AGMO: variants seen among roughly 807,000 people sequenced by gnomAD.
The protein encoded by AGMO is alkylglycerol monooxygenase, also known as glyceryl-ether monooxygenase.
AGMO carries 75 observed loss-of-function variants against 60.2 expected under a neutral mutation model. The observed-to-expected ratio is 1.25, with a 90% CI of 1.03 to 1.51. The LOEUF is 1.51. Among genes scored for constraint, AGMO ranks in the 40% most tolerant of loss-of-function variants. The pLI is 0.00. For synonymous variants in AGMO, 261 were observed against 177.1 expected, an observed-to-expected ratio of 1.47 and a Z score of -3.76; for missense variants, 763 against 525.5, an observed-to-expected ratio of 1.45 and a Z score of -4.42.
intron 12 of AGMO, among the ~76,000 whole-genome samples, chr7:15,246,486 C>G (rs1782746967): frequency 6.6e-6 from 1 of 152,126 alleles, no homozygotes; most frequent in Non-Finnish European, 1.5e-5. Context: ...TCACATTCCA[C>G]AAATGATGTT....
chr7:15,212,906 G>C (rs1010702273), intron 12 of AGMO, among the ~76,000 whole-genome samples: 1 of 152,004 alleles, frequency 6.6e-6, no homozygotes, highest in African/African-American at 2.4e-5. Flanking sequence ...ACTTACTACA[G>C]ACTTTCATAC....
At chr7:15,535,960 T>C (rs1784475527) in intron 3 of AGMO, among the ~76,000 whole-genome samples, 1 of 151,934 alleles carries the variant, frequency 6.6e-6, no homozygotes, top group Non-Finnish European at 1.5e-5. Context: ...ACTCAGTTAA[T>C]GTCTCATGAA....
intron 12 of AGMO, among the ~76,000 whole-genome samples, chr7:15,260,965 G>A (rs760563041): frequency 1.3e-5 from 2 of 151,988 alleles, no homozygotes; most frequent in Non-Finnish European, 2.9e-5. Context: ...TATTTGAACT[G>A]AATGATAATA....
chr7:15,211,426 G>A (rs1781585660), intron 12 of AGMO, among the ~76,000 whole-genome samples: 1 of 151,926 alleles, frequency 6.6e-6, no homozygotes. Flanking sequence ...GCGGCTATAT[G>A]ATAATTGCTG....
chr7:15,415,073 T>C (rs1780725459), intron 5 of AGMO, among the ~76,000 whole-genome samples: 1 of 152,170 alleles, frequency 6.6e-6, no homozygotes, highest in Non-Finnish European at 1.5e-5. Context: ...GAGTTTGTGA[T>C]AGTCGAAGAT....
chr7:15,351,495 T>G (rs1782241749), intron 12 of AGMO, among the ~76,000 whole-genome samples: 1 of 152,084 alleles, frequency 6.6e-6, no homozygotes, highest in Non-Finnish European at 1.5e-5. Flanking sequence ...GCATGTAAAA[T>G]TGCCTCTGAT....
downstream of AGMO, among the ~76,000 whole-genome samples, chr7:15,196,272 C>T (rs931844327): frequency 1.3e-5 from 2 of 152,108 alleles, no homozygotes; most frequent in South Asian, 4.2e-4. Context: ...TGGTCTCGAA[C>T]TCCTGACCTC....
intron 6 of AGMO, among the ~76,000 whole-genome samples, chr7:15,391,266 G>A (rs1009311777): frequency 2.6e-5 from 4 of 151,826 alleles, no homozygotes; most frequent in East Asian, 3.9e-4. Context: ...ATCAGAAAAC[G>A]ATGTATATAA....
At chr7:15,483,020 A>T (rs1482000056) in intron 3 of AGMO, among the ~76,000 whole-genome samples, 1 of 152,106 alleles carries the variant, frequency 6.6e-6, no homozygotes. Flanking sequence ...TCCTTTATTG[A>T]TTATTTTACC....
intron 12 of AGMO, among the ~76,000 whole-genome samples, chr7:15,216,757 G>T (rs1356967460): frequency 6.6e-6 from 1 of 151,522 alleles, no homozygotes; most frequent in Non-Finnish European, 1.5e-5. Flanking sequence ...AGAACTCTAG[G>T]ATCAATAGAT....
chr7:15,434,502 C>T (rs187440647), intron 3 of AGMO, among the ~76,000 whole-genome samples: 1 of 152,180 alleles, frequency 6.6e-6, no homozygotes, highest in East Asian at 1.9e-4. Context: ...AGCTGGCTAC[C>T]TTGTTATGAG....
intron 10 of AGMO, among the ~76,000 whole-genome samples, chr7:15,375,402 T>A (rs1312042972): frequency 6.8e-6 from 1 of 146,554 alleles, no homozygotes; most frequent in Non-Finnish European, 1.5e-5. Context: ...TTTTTTTTTT[T>A]TTTTTTTTTT....
intron 8 of AGMO, among the ~76,000 whole-genome samples, chr7:15,387,920 T>C (rs1279398341): frequency 6.8e-6 from 1 of 146,524 alleles, no homozygotes; most frequent in Non-Finnish European, 1.5e-5. Context: ...TTTTTTTTTT[T>C]TCCCCAAGAC....
intron 12 of AGMO, among the ~76,000 whole-genome samples, chr7:15,335,996 T>A (rs964663066): frequency 6.6e-5 from 10 of 152,284 alleles, no homozygotes; most frequent in African/African-American, 2.4e-4. Flanking sequence ...AAGTGGAAGA[T>A]CTACTCCAAA....
the AGMO span, among the ~76,000 whole-genome samples, chr7:15,126,934 C>T: frequency 6.6e-6 from 1 of 152,110 alleles, no homozygotes; most frequent in Admixed American, 6.6e-5. Context: ...CACAACAACA[C>T]TTGGCCTCCA....
At chr7:15,129,601 C>T in the AGMO span, among the ~76,000 whole-genome samples, 1 of 152,036 alleles carries the variant, frequency 6.6e-6, no homozygotes, top group Non-Finnish European at 1.5e-5. Flanking sequence ...TCTTTAAAGA[C>T]AACAGCTCTC....
intron 3 of AGMO, among the ~76,000 whole-genome samples, chr7:15,460,140 T>C (rs1389045159): frequency 6.9e-6 from 1 of 145,234 alleles, no homozygotes; most frequent in Non-Finnish European, 1.5e-5. Context: ...GGTGTCTTGC[T>C]CTGTCCCCCA....
intron 3 of AGMO, among the ~76,000 whole-genome samples, chr7:15,453,656 T>C (rs922692920): frequency 6.6e-6 from 1 of 152,120 alleles, no homozygotes; most frequent in African/African-American, 2.4e-5. Flanking sequence ...CAGAAAAACC[T>C]AGAAGGTGAA....
At chr7:15,373,844 C>T (rs1042817742) in intron 10 of AGMO, among the ~76,000 whole-genome samples, 1 of 151,988 alleles carries the variant, frequency 6.6e-6, no homozygotes, top group Non-Finnish European at 1.5e-5. Context: ...CTAAAAGGTG[C>T]CTGACAAGGT....
Sources: allele counts gnomAD v4.1 joint callset (sites outside exome capture counted in the v4.1 genomes callset), GRCh38; gene constraint gnomAD v4.1.1; transcripts MANE v1.5; gene names NCBI Gene and HGNC (gene_info 2026-07-23, HGNC 2026-07-21).